Variants in MYH10 observed in about 807,000 individuals in gnomAD.
The protein encoded by MYH10 is myosin heavy chain 10, also known as myosin-10.
Under a neutral mutation model 257.8 loss-of-function variants are expected in MYH10, and 55 were observed. The observed-to-expected ratio is 0.21, with a 90% CI of 0.17 to 0.27. MYH10 has a LOEUF of 0.27. Among genes scored for constraint, MYH10 ranks in the 10% least tolerant of loss-of-function variants. The pLI is 1.00. For synonymous variants in MYH10, 854 were observed against 921.7 expected (o/e 0.93, Z 1.33); for missense variants, 1,631 against 2,500.6 (o/e 0.65, Z 7.42).
At chr17:8,623,314 A>C in intron 1 of MYH10, 37 bp from the exon 2 acceptor site, 2 of 1,493,570 alleles carry the variant, frequency 1.3e-6, no homozygotes, top group East Asian at 2.3e-5. Context: ...TAGATGTTTA[A>C]GAAACAAAAG....
At position 8,614,398 on chromosome 17, in the gene MYH10, A is replaced by G. The variant is rs576808036; in HGVS notation, c.345+8504T>C. 1.0e-3 allele frequency among the ~76,000 whole-genome samples: 140 copies of G among 134,970 alleles called. 1 individual carries two copies. The highest frequency in any genetic ancestry group is 3.8e-3 in the African/African-American group (131 of 34,672). 88.5% of individuals were successfully genotyped at this position (134,970 alleles called of 152,430 possible). ...CAGTGGTGCAATCTCGGCTCACTGCAGCCTCTGCCTTCCCGGTTCAGGCTA... is the reference window on the plus strand; with the variant it reads ...CAGTGGTGCAATCTCGGCTCACTGCGGCCTCTGCCTTCCCGGTTCAGGCTA... On this transcript the variant is annotated intron_variant, in intron 2 of 42. Transcript: ENST00000360416.
intron 14 of MYH10, among the ~76,000 whole-genome samples, chr17:8,541,099 G>A (rs899538842): frequency 1.3e-5 from 2 of 152,178 alleles, no homozygotes; most frequent in Non-Finnish European, 2.9e-5. Context: ...TCTAATAGGG[G>A]TGAATGTCTT....
intron 16 of MYH10, among the ~76,000 whole-genome samples, chr17:8,533,919 A>G (rs1465447953): frequency 1.3e-5 from 2 of 152,218 alleles, no homozygotes; most frequent in Non-Finnish European, 2.9e-5. Flanking sequence ...GAAGGAATGC[A>G]AATCCTTACG....
chr17:8,625,750 G>A (rs1598011347), intron 1 of MYH10, among the ~76,000 whole-genome samples: 1 of 152,090 alleles, frequency 6.6e-6, no homozygotes, highest in Admixed American at 6.5e-5. Context: ...CAAAGTGCTG[G>A]GATTACAAGC....
rs138175122 is a variant in MYH10, at chr17:8,559,545, T to A, written c.757-5527A>T. ...AATGAGTTAATAATGAATCAATTTC[T>A]AAGATGACAAAACAGCAAACTATTT... On this transcript the variant is annotated intron_variant, in intron 7 of 42. Coordinates refer to ENST00000360416, the MANE Select transcript of MYH10 (RefSeq NM_001256012.3). Among the ~76,000 whole-genome samples, 632 of 152,324 alleles carry A rather than the reference T, an allele frequency of 4.1e-3. 3 individuals carry two copies. Among genetic ancestry groups the A allele is most frequent in the African/African-American group, 0.014 (598 of 41,570 alleles).
chr17:8,539,502 T>C (rs547763480), intron 14 of MYH10, among the ~76,000 whole-genome samples: 3 of 152,362 alleles, frequency 2.0e-5, no homozygotes, highest in African/African-American at 7.2e-5. Context: ...GATCAGGTTC[T>C]TGAGGACCAA....
intron 6 of MYH10, among the ~76,000 whole-genome samples, chr17:8,572,675 C>T (rs1347288958): frequency 1.3e-5 from 2 of 152,054 alleles, no homozygotes; most frequent in Non-Finnish European, 2.9e-5. Context: ...TTTATGGGTC[C>T]TCAGAGTCAC....
rs1567822767 is a variant in MYH10 at position 8,511,014 on chromosome 17, C to CCATATATATATATATATATATA, written c.2953-1087_2953-1066dup. 14 of 73,512 alleles carry CCATATATATATATATATATATA rather than the reference C, an allele frequency of 1.9e-4. 1 individual carries two copies. Among genetic ancestry groups the CCATATATATATATATATATATA allele is most frequent in the East Asian group, 1.6e-3 (4 of 2,574 alleles). The allele number at this position is 73,512 out of a possible 1,614,324, so 4.6% of individuals were successfully genotyped here. A position where few individuals can be genotyped will look rare whatever the true frequency, so the allele number is the denominator to read the frequency against. ...CCTGTATCAAAACATCTCATGTACC[C>CCATATATATATATATATATATA]CATATATATATATATATATATATAT... On this transcript the variant is annotated intron_variant, in intron 24 of 42. Transcript: ENST00000360416.
intron 24 of MYH10, chr17:8,511,056 AT>A (rs2081270707): frequency 8.8e-6 from 1 of 114,008 alleles, no homozygotes; most frequent in African/African-American, 4.3e-5. Context: ...ATATATATAT[AT>A]ATACACACAT....
At chr17:8,518,050 G>GTGTGTGTGTGTT (rs2081528356) in intron 21 of MYH10, among the ~76,000 whole-genome samples, 1 of 148,066 alleles carries the variant, frequency 6.8e-6, no homozygotes, top group Non-Finnish European at 1.5e-5. Flanking sequence ...GTGTGTGTGT[G>GTGTGTGTGTGTT]AGAAGCATTC....
intron 38 of MYH10, among the ~76,000 whole-genome samples, 167 bp downstream of exon 38, chr17:8,481,155 T>C (rs892562554): frequency 2.0e-5 from 2 of 102,254 alleles, no homozygotes; most frequent in African/African-American, 6.8e-5. Flanking sequence ...ACCTGCGGTG[T>C]GCAGGGCTCG....
intron 40 of MYH10, among the ~76,000 whole-genome samples, chr17:8,479,854 CAG>C (rs1913377505): frequency 6.6e-6 from 1 of 152,218 alleles, no homozygotes; most frequent in Admixed American, 6.5e-5. Flanking sequence ...GATGCAAACT[CAG>C]GGTGCCTAGG....
At chr17:8,541,973 A>G in intron 14 of MYH10, 134 bp downstream of exon 14, 1 of 871,976 alleles carries the variant, frequency 1.1e-6, no homozygotes, top group East Asian at 2.7e-5. Context: ...TCAGAGTATC[A>G]CCTTCCTAGA....
At chr17:8,571,865 C>T (rs1157973025) in intron 6 of MYH10, among the ~76,000 whole-genome samples, 4 of 152,040 alleles carry the variant, frequency 2.6e-5, no homozygotes, top group African/African-American at 9.7e-5. Context: ...ATTCCTATGA[C>T]CAATATCTTG....
intron 2 of MYH10, among the ~76,000 whole-genome samples, chr17:8,608,298 A>G (rs2084889074): frequency 6.6e-6 from 1 of 152,234 alleles, no homozygotes; most frequent in Non-Finnish European, 1.5e-5. Context: ...AGACACGTGG[A>G]GACTGCTCAA....
intron 21 of MYH10, among the ~76,000 whole-genome samples, chr17:8,518,025 CGTGTGTGTGT>C (rs34409328): frequency 8.1e-6 from 1 of 123,628 alleles, no homozygotes; most frequent in Non-Finnish European, 1.7e-5. Flanking sequence ...CCCTTGGCCC[CGTGTGTGTGT>C]GTGTGTGTGT....
chr17:8,589,358 C>T (rs2084033930), intron 3 of MYH10, among the ~76,000 whole-genome samples: 1 of 152,148 alleles, frequency 6.6e-6, no homozygotes, highest in South Asian at 2.1e-4. Flanking sequence ...CATCGTTTGC[C>T]TGGATGACTT....
At position 8,630,642 on chromosome 17, in the gene MYH10, C is replaced by G. The variant is rs2085884397; in HGVS notation, c.-32+12G>C. ...GGCCGTGCACTCGGACCCGGGTAGCCGCACCTCTCACCTTCAGCCGAAGAT... is the reference window on the plus strand; with the variant it reads ...GGCCGTGCACTCGGACCCGGGTAGCGGCACCTCTCACCTTCAGCCGAAGAT... On this transcript the variant is annotated intron_variant, in intron 1 of 42. Coordinates refer to ENST00000360416, the MANE Select transcript of MYH10 (RefSeq NM_001256012.3). 6.5e-6 allele frequency: 1 copy of G among 152,794 alleles called. No homozygotes were observed. Among genetic ancestry groups the G allele is most frequent in the Non-Finnish European group, 1.5e-5 (1 of 68,554 alleles). The allele number at this position is 152,794 out of a possible 1,614,324, so 9.5% of individuals were successfully genotyped here.
chr17:8,578,715 A>G (rs1257977124), intron 4 of MYH10, among the ~76,000 whole-genome samples: 1 of 152,176 alleles, frequency 6.6e-6, no homozygotes, highest in Non-Finnish European at 1.5e-5. Flanking sequence ...AAGCTGCTAC[A>G]CACACAGCGA....
Sources: allele counts gnomAD v4.1 joint callset (sites outside exome capture counted in the v4.1 genomes callset), GRCh38; gene constraint gnomAD v4.1.1; transcripts MANE v1.5; gene names NCBI Gene and HGNC (gene_info 2026-07-23, HGNC 2026-07-21).